Variants in PDE9A observed in about 807,000 individuals in gnomAD.
PDE9A encodes the protein phosphodiesterase 9A.
PDE9A carries 60 observed loss-of-function variants against 87.4 expected under a neutral mutation model. The observed-to-expected ratio is 0.69, with a 90% CI of 0.56 to 0.85. The LOEUF (loss-of-function observed/expected upper bound fraction) is 0.85, where lower values mean the gene tolerates loss of function less well. PDE9A is among the 40% of genes least tolerant of loss of function. The pLI is 0.00. For synonymous variants in PDE9A, 272 were observed against 279.4 expected, an observed-to-expected ratio of 0.97 and a Z score of 0.27; for missense variants, 665 against 779.0, an observed-to-expected ratio of 0.85 and a Z score of 1.74.
intron 13 of PDE9A, among the ~76,000 whole-genome samples, chr21:42,761,751 G>A (rs2055793748): frequency 6.6e-6 from 1 of 152,188 alleles, no homozygotes; most frequent in Admixed American, 6.5e-5. Context: ...GTGAACCTCA[G>A]CCTCGTTCTG....
At chr21:42,654,466 G>A (rs2056897278) in intron 1 of PDE9A, among the ~76,000 whole-genome samples, 1 of 152,160 alleles carries the variant, frequency 6.6e-6, no homozygotes, top group South Asian at 2.1e-4. Context: ...TGAGTTACAC[G>A]GGAGAGGGGT....
Position 42,698,546 on chromosome 21 carries a change from A to G in PDE9A, c.219-422A>G, listed in dbSNP as rs7282213. Among the ~76,000 whole-genome samples the G allele has an allele frequency of 8.8e-3, 1,341 of 152,190 alleles. 12 individuals carry two copies. The highest frequency in any genetic ancestry group is 0.031 in the African/African-American group (1,268 of 41,472). On this transcript the variant is annotated intron_variant, in intron 3 of 19. Coordinates refer to ENST00000291539, the MANE Select transcript of PDE9A (RefSeq NM_002606.3). ...GAGATCCCAGTGCATTTTCGACTTC[A>G]TCACTGTCACCATCCTCTCTTGTTC...
intron 6 of PDE9A, 74 bp from the exon 7 acceptor site, chr21:42,733,282 T>C: frequency 2.4e-6 from 2 of 838,320 alleles, no homozygotes; most frequent in East Asian, 2.5e-5. Flanking sequence ...ACTCAGTAGG[T>C]GTTTGCTTAA....
intron 17 of PDE9A, among the ~76,000 whole-genome samples, chr21:42,769,437 CAT>C (rs1431654176): frequency 6.2e-5 from 6 of 97,250 alleles, no homozygotes; most frequent in Non-Finnish European, 1.2e-4. Context: ...CGTGCACACA[CAT>C]GTACACAGGC....
At chr21:42,678,395 A>T (rs1249959817) in intron 1 of PDE9A, among the ~76,000 whole-genome samples, 1 of 152,216 alleles carries the variant, frequency 6.6e-6, no homozygotes. Flanking sequence ...TCTGGAGCCC[A>T]AATAAAATCT....
intron 4 of PDE9A, among the ~76,000 whole-genome samples, chr21:42,725,267 C>T (rs369599496): frequency 6.6e-6 from 1 of 151,696 alleles, no homozygotes; most frequent in African/African-American, 2.4e-5. Flanking sequence ...GACAGAGTTT[C>T]GCTCTTGTTG....
At position 42,696,709 on chromosome 21, in the gene PDE9A, C is replaced by T. The variant is rs779687202; in HGVS notation, c.219-2259C>T. On this transcript the variant is annotated intron_variant, in intron 3 of 19. Coordinates refer to ENST00000291539, the MANE Select transcript of PDE9A (RefSeq NM_002606.3). This position sits in a 1 kb window ranked among gnomAD's most constrained non-coding sequence, Gnocchi z 5.1. ...TAGGCAACCCTGGCACGGGTCCTCA[C>T]TGGCCACACTGAGGCCATCAGCAAA... 2.6e-5 allele frequency among the ~76,000 whole-genome samples: 4 copies of T among 152,172 alleles called. No homozygotes were observed. Among genetic ancestry groups the T allele is most frequent in the Non-Finnish European group, 4.4e-5 (3 of 68,034 alleles).
rs148821558 is a variant in PDE9A, at chr21:42,742,073, G to A, written c.569-1703G>A. On this transcript the variant is annotated intron_variant, in intron 7 of 19. Coordinates refer to ENST00000291539, the MANE Select transcript of PDE9A (RefSeq NM_002606.3). Reference sequence around the variant, plus strand: ...TCATGGCAGCTTTTCTGGGGTAAACGTGCAGTCAGCCAAGGGTAAATATCT... The same window carrying A: ...TCATGGCAGCTTTTCTGGGGTAAACATGCAGTCAGCCAAGGGTAAATATCT... 5.0e-3 allele frequency among the ~76,000 whole-genome samples: 761 copies of A among 152,274 alleles called. 3 individuals are homozygous for A. Among genetic ancestry groups the A allele is most frequent in the African/African-American group, 0.017 (707 of 41,538 alleles).
intron 4 of PDE9A, among the ~76,000 whole-genome samples, chr21:42,703,682 C>T (rs912425562): frequency 1.3e-5 from 2 of 152,054 alleles, no homozygotes; most frequent in Non-Finnish European, 2.9e-5. Flanking sequence ...GTCCTAAGGC[C>T]GGAGCTGCTC....
At chr21:42,751,905 C>T (rs1418884978) in intron 9 of PDE9A, among the ~76,000 whole-genome samples, 1 of 152,058 alleles carries the variant, frequency 6.6e-6, no homozygotes, top group Non-Finnish European at 1.5e-5. Flanking sequence ...CGTCACCATG[C>T]CCAGTTAATT....
intron 4 of PDE9A, among the ~76,000 whole-genome samples, chr21:42,727,017 A>AC (rs1269035920): frequency 7.1e-6 from 1 of 141,104 alleles, no homozygotes; most frequent in Non-Finnish European, 1.5e-5. Context: ...GTTTTTCAAA[A>AC]TTGTTTTTAT....
Position 42,696,563 on chromosome 21 carries a change from C to G in PDE9A, c.219-2405C>G, listed in dbSNP as rs957600460. Among the ~76,000 whole-genome samples, 2 of 152,122 alleles carry G rather than the reference C, an allele frequency of 1.3e-5. No individual in the cohort carries two copies. Among genetic ancestry groups the G allele is most frequent in the African/African-American group, 4.8e-5 (2 of 41,424 alleles). ...CCACTGCACCATTTCCAGGGCTGCT[C>G]TCATGGTGGGAGCCGGAGAGACACT... On this transcript the variant is annotated intron_variant, in intron 3 of 19. Transcript: ENST00000291539. This position sits in a 1 kb window ranked among gnomAD's most constrained non-coding sequence, Gnocchi z 5.1.
chr21:42,682,640 G>T (rs1289913715), intron 1 of PDE9A, among the ~76,000 whole-genome samples: 1 of 152,166 alleles, frequency 6.6e-6, no homozygotes, highest in Non-Finnish European at 1.5e-5. Flanking sequence ...TCTTCTCAAG[G>T]CCCCCACGAT....
intron 7 of PDE9A, among the ~76,000 whole-genome samples, chr21:42,738,582 G>A (rs1046678227): frequency 9.2e-5 from 14 of 152,158 alleles, no homozygotes; most frequent in Admixed American, 3.9e-4. Flanking sequence ...CTGCCAGGAC[G>A]ATTTCCCCAA....
intron 3 of PDE9A, among the ~76,000 whole-genome samples, chr21:42,690,865 ACCAGCTT>A (rs1417669819): frequency 2.6e-5 from 4 of 152,066 alleles, no homozygotes; most frequent in Non-Finnish European, 5.9e-5. Flanking sequence ...GCTCTGCAGA[ACCAGCTT>A]CTGCTTATCC....
chr21:42,709,277 G>A (rs35542961), intron 4 of PDE9A, among the ~76,000 whole-genome samples: 6,584 of 152,130 alleles, frequency 0.043, 239 homozygotes, highest in African/African-American at 0.093. Context: ...ACAGGGAGGG[G>A]AATAACACAC....
intron 4 of PDE9A, among the ~76,000 whole-genome samples, chr21:42,730,510 G>C (rs2156313): frequency 0.047 from 7,126 of 152,074 alleles, 529 homozygotes; most frequent in African/African-American, 0.16. Context: ...ATAAGATAGA[G>C]GGAAGCAAAC....
At chr21:42,697,523 A>G (rs2060210094) in intron 3 of PDE9A, 7 of 1,279,526 alleles carry the variant, frequency 5.5e-6, no homozygotes, top group Non-Finnish European at 5.7e-6. Flanking sequence ...TCATCTTCTT[A>G]ACAACTACCT....
chr21:42,686,630 C>T (rs2059490852), intron 2 of PDE9A, among the ~76,000 whole-genome samples: 1 of 151,982 alleles, frequency 6.6e-6, no homozygotes, highest in South Asian at 2.1e-4. Context: ...GCCTGGCCAA[C>T]ATGGTGAAAT....
Sources: allele counts gnomAD v4.1 joint callset (sites outside exome capture counted in the v4.1 genomes callset), GRCh38; gene constraint gnomAD v4.1.1; non-coding constraint Gnocchi (gnomAD v3.1); transcripts MANE v1.5; gene names NCBI Gene and HGNC (gene_info 2026-07-23, HGNC 2026-07-21).